Variants in ARHGEF11 observed in about 807,000 individuals in gnomAD.
ARHGEF11 encodes the protein Rho guanine nucleotide exchange factor 11.
A neutral mutation model predicts 193.7 loss-of-function variants in ARHGEF11; 55 were observed. The observed-to-expected ratio is 0.28, with a 90% CI of 0.23 to 0.36. The LOEUF is 0.36. Among genes scored for constraint, ARHGEF11 ranks in the 10% least tolerant of loss-of-function variants. The probability of loss-of-function intolerance (pLI) is 1.00; values close to 1 mark genes in which losing one functional copy is unlikely to be tolerated. For synonymous variants in ARHGEF11, 693 were observed against 768.0 expected, an observed-to-expected ratio of 0.90 and a Z score of 1.62; for missense variants, 1,723 against 2,005.6, an observed-to-expected ratio of 0.86 and a Z score of 2.69.
chr1:156,962,253 C>T lies in ARHGEF11; in HGVS notation c.1141-478G>A, dbSNP rs542201641. Among the ~76,000 whole-genome samples, 17 of 152,266 alleles carry T rather than the reference C, an allele frequency of 1.1e-4. No individual in the cohort carries two copies. In the South Asian group the frequency reaches 3.3e-3, roughly 30 times the overall value. The stretch of plus-strand genomic sequence containing the variant: ...CATGCACACAGGTGTTCAATGAATA[C>T]CTGTGGATGGCTGTTCATTCTGGCT... On this transcript the variant is annotated intron_variant, in intron 13 of 40. Coordinates refer to ENST00000368194, the MANE Select transcript of ARHGEF11 (RefSeq NM_198236.3).
At chr1:156,975,577 T>G (rs1019173879) in intron 7 of ARHGEF11, among the ~76,000 whole-genome samples, 19 of 152,196 alleles carry the variant, frequency 1.2e-4, no homozygotes, top group African/African-American at 4.1e-4. Flanking sequence ...ACTATTTTTT[T>G]GGGGGGAGGT....
At chr1:156,986,529 G>A (rs1664940893) in intron 1 of ARHGEF11, among the ~76,000 whole-genome samples, 1 of 152,124 alleles carries the variant, frequency 6.6e-6, no homozygotes, top group Non-Finnish European at 1.5e-5. Context: ...GGAACAGAAC[G>A]GAGCAGCAGA....
chr1:156,967,818 T>C (rs1240339200), intron 11 of ARHGEF11, 169 bp downstream of exon 11: 4 of 809,662 alleles, frequency 4.9e-6, no homozygotes, highest in African/African-American at 3.4e-5. Context: ...ATTTATGCCA[T>C]GTTCTCTTTC....
rs1201874033 is a variant in ARHGEF11 at position 156,936,772 on chromosome 1, T to G, written c.4630+44A>C. Reference sequence around the variant, plus strand: ...ATGTGTCCTCACGAGTTGGCAGACTTCTCCCCCAATGGTAGGAACCGAGAG... The same window carrying G: ...ATGTGTCCTCACGAGTTGGCAGACTGCTCCCCCAATGGTAGGAACCGAGAG... On this transcript the variant is annotated intron_variant, in intron 40 of 40. Coordinates refer to ENST00000368194, the MANE Select transcript of ARHGEF11 (RefSeq NM_198236.3). The G allele has an allele frequency of 3.8e-6, 6 of 1,581,798 alleles. No homozygotes were observed. In the South Asian group the frequency reaches 5.8e-5, roughly 15 times the overall value.
At chr1:156,942,081 G>C in intron 33 of ARHGEF11, 92 bp from the exon 34 acceptor site, 1 of 1,591,366 alleles carries the variant, frequency 6.3e-7, no homozygotes, top group Non-Finnish European at 8.6e-7. Context: ...AGGGCTTCCA[G>C]GCCCTAAGAA....
At position 156,938,526 on chromosome 1, in the gene ARHGEF11, C is replaced by T; in HGVS notation, c.4097-13G>A. 6.2e-7 allele frequency: 1 copy of T among 1,610,508 alleles called. No individual in the cohort carries two copies. Among genetic ancestry groups the T allele is most frequent in the South Asian group, 1.1e-5 (1 of 90,678 alleles). On this transcript the variant is annotated splice_polypyrimidine_tract_variant and intron_variant, in intron 37 of 40. Coordinates refer to ENST00000368194, the MANE Select transcript of ARHGEF11 (RefSeq NM_198236.3). ...CCTGCCACCTCAGCTGCACCGACACCACCACCACCAGGAAGAGGAGAGACC... is the reference window on the plus strand; with the variant it reads ...CCTGCCACCTCAGCTGCACCGACACTACCACCACCAGGAAGAGGAGAGACC...
intron 1 of ARHGEF11, among the ~76,000 whole-genome samples, chr1:157,033,229 T>C (rs1470691615): frequency 1.3e-5 from 2 of 152,116 alleles, no homozygotes; most frequent in African/African-American, 2.4e-5. Flanking sequence ...CCCTCAACCA[T>C]CTTATGTTCT....
Position 157,022,933 on chromosome 1 carries a change from GA to G in ARHGEF11, c.32+21365del, listed in dbSNP as rs1197922585. Among the ~76,000 whole-genome samples the G allele has an allele frequency of 3.3e-5, 5 of 152,176 alleles. 1 individual carries two copies. ...TAGTTTTTTCAACAAATGGGGCTGGGACAATCAGAAATCCATAAGCAAAAGT... is the reference window on the plus strand; with the variant it reads ...TAGTTTTTTCAACAAATGGGGCTGGGCAATCAGAAATCCATAAGCAAAAGT... On this transcript the variant is annotated intron_variant, in intron 1 of 40. Transcript: ENST00000368194.
chr1:156,969,135 C>T, intron 10 of ARHGEF11, 147 bp downstream of exon 10: 1 of 650,462 alleles, frequency 1.5e-6, no homozygotes, highest in Non-Finnish European at 2.6e-6. Flanking sequence ...GCTTTGGAAC[C>T]CAGAGCACAG....
intron 14 of ARHGEF11, among the ~76,000 whole-genome samples, chr1:156,961,156 T>C (rs1660776908): frequency 6.6e-6 from 1 of 152,242 alleles, no homozygotes; most frequent in Non-Finnish European, 1.5e-5. Context: ...GAAATGCTCT[T>C]GCCAGCGGGA....
intron 38 of ARHGEF11, 78 bp downstream of exon 38, chr1:156,938,340 G>A: frequency 7.3e-7 from 1 of 1,367,338 alleles, no homozygotes; most frequent in African/African-American, 1.4e-5. Flanking sequence ...GTGACCATGG[G>A]CAGGGGTCCG....
In ARHGEF11 at chr1:156,978,268, G is replaced by C. The variant is rs1392793494; in HGVS notation, c.446C>G (p.Pro149Arg). The C allele has an allele frequency of 1.2e-6, 2 of 1,614,054 alleles. No individual in the cohort carries two copies. Among genetic ancestry groups the C allele is most frequent in the African/African-American group, 2.7e-5 (2 of 74,918 alleles). ...TAGAGGTGGAGGAGGTGGTGGTGAG[G>C]GGATCACTGACGTGATTCGGGGAGC... ...AGAPRITSVI[P>R]SPPPPPPLPP... is the part of the protein sequence containing the mutation. Residue 149 changes from proline (P) to arginine (R), a missense_variant, in exon 6 of 41, where the codon CCC (proline) becomes CGC (arginine). By Grantham distance (103) the Pro-to-Arg change is moderately radical. Transcript: ENST00000368194.
chr1:156,944,250 C>G (rs1657666452), intron 31 of ARHGEF11, 108 bp downstream of exon 31: 2 of 1,451,866 alleles, frequency 1.4e-6, no homozygotes, highest in African/African-American at 2.8e-5. Context: ...CTTCCCATGT[C>G]CTGAGCTATC....
intron 1 of ARHGEF11, among the ~76,000 whole-genome samples, chr1:157,007,023 G>A (rs1225508801): frequency 1.3e-5 from 2 of 152,176 alleles, no homozygotes; most frequent in African/African-American, 4.8e-5. Context: ...GTTAGGGGGA[G>A]GCGGCAGAGG....
chr1:156,936,497 A>AAAATATAT (rs370282821), intron 40 of ARHGEF11, among the ~76,000 whole-genome samples: 44 of 33,926 alleles, frequency 1.3e-3, no homozygotes, highest in East Asian at 6.6e-3. Context: ...AAAAAAAAAA[A>AAAATATAT]ATATATATAT....
chr1:156,936,106 G>T lies in ARHGEF11; in HGVS notation c.4631-48C>A, dbSNP rs556043282. On this transcript the variant is annotated intron_variant, in intron 40 of 40. Transcript: ENST00000368194. ...AGGAACTGGCCAGCCTGAGGTGACC[G>T]CTTCCACATGTTTTGTCTAGAAAGT... 1.0e-5 allele frequency: 16 copies of T among 1,565,162 alleles called. No homozygotes were observed. The South Asian group carries it at 1.8e-4, about 17-fold the overall frequency.
At chr1:156,978,178 G>A in intron 6 of ARHGEF11, 26 bp downstream of exon 6, 1 of 1,613,992 alleles carries the variant, frequency 6.2e-7, no homozygotes, top group East Asian at 2.2e-5. Flanking sequence ...ATTAGGGTGA[G>A]GAAAGAAAGC....
Position 156,936,480 on chromosome 1 carries a change from GAA to G in ARHGEF11, c.4630+334_4630+335del, listed in dbSNP as rs35863393. ...GGCCAGCCCTTGTCTCAAATAAATA[GAA>G]AAAAAAAAAAAAAAAATATATATAT... On this transcript the variant is annotated intron_variant, in intron 40 of 40. Coordinates refer to ENST00000368194, the MANE Select transcript of ARHGEF11 (RefSeq NM_198236.3). 2.9e-3 allele frequency among the ~76,000 whole-genome samples: 138 copies of G among 47,998 alleles called. 2 individuals carry two copies. The highest frequency in any genetic ancestry group is 0.011 in the African/African-American group (93 of 8,590). The allele number at this position is 47,998 out of a possible 152,430, so 31.5% of individuals were successfully genotyped here.
At chr1:156,950,613 CTGGG>C (rs1658934851) in intron 22 of ARHGEF11, among the ~76,000 whole-genome samples, 1 of 152,120 alleles carries the variant, frequency 6.6e-6, no homozygotes, top group Non-Finnish European at 1.5e-5. Context: ...GCAATCCAGC[CTGGG>C]TGACAGAGAA....
Sources: allele counts gnomAD v4.1 joint callset (sites outside exome capture counted in the v4.1 genomes callset), GRCh38; gene constraint gnomAD v4.1.1; transcripts MANE v1.5; gene names NCBI Gene and HGNC (gene_info 2026-07-23, HGNC 2026-07-21).